RTN1: variants seen among roughly 807,000 people sequenced by gnomAD.
The protein encoded by RTN1 is reticulon 1.
A neutral mutation model predicts 65.5 loss-of-function variants in RTN1; 25 were observed. The observed-to-expected ratio is 0.38, with a 90% CI of 0.28 to 0.53. The LOEUF (loss-of-function observed/expected upper bound fraction) is 0.53. Among genes scored for constraint, RTN1 ranks in the 20% least tolerant of loss-of-function variants. The pLI is 0.79. For missense variants in RTN1, 983 were observed against 1,025.4 expected, an observed-to-expected ratio of 0.96 and a Z score of 0.57; for synonymous variants, 471 against 447.6, an observed-to-expected ratio of 1.05 and a Z score of -0.66.
chr14:59,784,276 T>TA (rs906856467), intron 1 of RTN1, among the ~76,000 whole-genome samples: 6 of 151,110 alleles, frequency 4.0e-5, no homozygotes, highest in South Asian at 4.2e-4. Flanking sequence ...TCGTCTCTAC[T>TA]AAAAAAAATA....
intron 3 of RTN1, 168 bp from the exon 4 acceptor site, chr14:59,607,660 C>A: frequency 1.6e-6 from 1 of 627,144 alleles, no homozygotes; most frequent in South Asian, 1.9e-5. Context: ...TACTGTCATT[C>A]CACTTTGGTT....
intron 3 of RTN1, among the ~76,000 whole-genome samples, chr14:59,623,216 T>C (rs1229303776): frequency 6.6e-6 from 1 of 152,244 alleles, no homozygotes; most frequent in Non-Finnish European, 1.5e-5. Flanking sequence ...ACTTTATCCT[T>C]ATGGAGGGCT....
intron 3 of RTN1, among the ~76,000 whole-genome samples, chr14:59,642,331 T>G (rs573633496): frequency 6.6e-6 from 1 of 152,176 alleles, no homozygotes; most frequent in African/African-American, 2.4e-5. Flanking sequence ...TTACTGAGCT[T>G]CTTAAATCTG....
chr14:59,785,862 G>T (rs1886240820), intron 1 of RTN1, among the ~76,000 whole-genome samples: 1 of 152,138 alleles, frequency 6.6e-6, no homozygotes, highest in South Asian at 2.1e-4. Context: ...CTGACTCCAG[G>T]ATTAGAGTCC....
intron 1 of RTN1, among the ~76,000 whole-genome samples, chr14:59,757,877 TACA>T (rs1346096265): frequency 2.6e-5 from 4 of 152,138 alleles, no homozygotes; most frequent in South Asian, 2.1e-4. Flanking sequence ...CTGATGAATC[TACA>T]ACAACATGTC....
At chr14:59,817,033 C>T (rs1886833285) in intron 1 of RTN1, among the ~76,000 whole-genome samples, 2 of 151,880 alleles carry the variant, frequency 1.3e-5, no homozygotes, top group Admixed American at 1.3e-4. Context: ...GCCTGGTGAA[C>T]TTACAGAAGA....
At chr14:59,612,176 G>T (rs1343650276) in intron 3 of RTN1, among the ~76,000 whole-genome samples, 1 of 152,146 alleles carries the variant, frequency 6.6e-6, no homozygotes, top group African/African-American at 2.4e-5. Flanking sequence ...ATGTTAATTC[G>T]GTTCCCCTTG....
chr14:59,758,654 T>C (rs1305206522), intron 1 of RTN1, among the ~76,000 whole-genome samples: 1 of 152,216 alleles, frequency 6.6e-6, no homozygotes, highest in Non-Finnish European at 1.5e-5. Flanking sequence ...TGACCATTCA[T>C]TTGGGACTCA....
rs150691589 is a variant in RTN1 at position 59,657,782 on chromosome 14, C to T, written c.1766-50290G>A. Among the ~76,000 whole-genome samples, 90 of 152,302 alleles carry T rather than the reference C, an allele frequency of 5.9e-4. 2 individuals carry two copies. In the South Asian group the frequency reaches 7.1e-3, roughly 12 times the overall value. On this transcript the variant is annotated intron_variant, in intron 3 of 8. Transcript: ENST00000267484. The stretch of plus-strand genomic sequence containing the variant: ...GAGATTCCCTCGGGTACCTACAGCA[C>T]CAGGGCCATGGGTTTCAAGCACAAA...
rs1293317820 is a variant in RTN1 at position 59,745,925 on chromosome 14, A to G, written c.798T>C (p.Asp266=). Residue 266 remains aspartate (D), a synonymous_variant, in exon 2 of 9, where the codon GAT becomes GAC. Coordinates refer to ENST00000267484, the MANE Select transcript of RTN1 (RefSeq NM_021136.3). The part of the protein sequence containing the change: ...EESTFAPYID[D]LSEEQRRAPQ... ...GAGCCCTGCGCTGTTCTTCAGAGAG[A>G]TCATCTATGTATGGAGCAAATGTGG... The G allele has an allele frequency of 3.7e-6, 6 of 1,613,950 alleles. No individual in the cohort carries two copies. The highest frequency in any genetic ancestry group is 1.7e-5 in the Admixed American group (1 of 59,988).
chr14:59,617,189 G>A (rs1236094578), intron 3 of RTN1, among the ~76,000 whole-genome samples: 1 of 152,202 alleles, frequency 6.6e-6, no homozygotes, highest in Non-Finnish European at 1.5e-5. Flanking sequence ...ATTAAAGCCC[G>A]TTGGGGAATC....
intron 2 of RTN1, among the ~76,000 whole-genome samples, chr14:59,735,418 C>A (rs1356507201): frequency 6.6e-6 from 1 of 152,076 alleles, no homozygotes; most frequent in African/African-American, 2.4e-5. Flanking sequence ...GGGCTAAATG[C>A]CCCAATTAAA....
intron 1 of RTN1, 90 bp from the exon 2 acceptor site, chr14:59,746,571 A>C: frequency 1.8e-6 from 2 of 1,108,830 alleles, no homozygotes; most frequent in Non-Finnish European, 2.6e-6. Context: ...TGCCTGGTGA[A>C]GACATGACAT....
chr14:59,705,455 A>T (rs1884271014), intron 3 of RTN1, among the ~76,000 whole-genome samples: 1 of 152,240 alleles, frequency 6.6e-6, no homozygotes, highest in Non-Finnish European at 1.5e-5. Context: ...TGATAATGAT[A>T]CTCAAGCTAT....
At chr14:59,653,491 GTATGTAATAGACTGCATAA>G (rs1883060708) in intron 3 of RTN1, among the ~76,000 whole-genome samples, 1 of 152,030 alleles carries the variant, frequency 6.6e-6, no homozygotes, top group East Asian at 1.9e-4. Flanking sequence ...ATATTTTGGT[GTATGTAATAGACTGCATAA>G]TATGTAGTTT....
intron 1 of RTN1, among the ~76,000 whole-genome samples, chr14:59,753,664 G>C (rs1488842109): frequency 1.3e-5 from 2 of 152,178 alleles, no homozygotes; most frequent in Non-Finnish European, 2.9e-5. Flanking sequence ...GGGATTGTTG[G>C]AACTGAGAAG....
chr14:59,792,790 G>A (rs1301041312), intron 1 of RTN1, among the ~76,000 whole-genome samples: 3 of 152,100 alleles, frequency 2.0e-5, no homozygotes, highest in Non-Finnish European at 4.4e-5. Context: ...GCAAAAAATA[G>A]TCAATAATTC....
intron 1 of RTN1, among the ~76,000 whole-genome samples, chr14:59,856,289 A>G (rs543799058): frequency 1.3e-5 from 2 of 152,264 alleles, no homozygotes; most frequent in East Asian, 3.9e-4. Context: ...TAAGACTTTA[A>G]TCTACTGAGT....
At chr14:59,685,680 G>A (rs536050064) in intron 3 of RTN1, among the ~76,000 whole-genome samples, 43 of 152,004 alleles carry the variant, frequency 2.8e-4, no homozygotes, top group African/African-American at 9.4e-4. Context: ...ACAAATAAAT[G>A]GAAAAAGATC....
Sources: gnomAD v4.1 joint callset for allele counts (sites outside exome capture counted in the v4.1 genomes callset) on GRCh38, gnomAD v4.1.1 for gene constraint, MANE v1.5 for transcripts, NCBI Gene and HGNC (gene_info 2026-07-23, HGNC 2026-07-21) for gene names.